PUS10: variants seen among roughly 807,000 people sequenced by gnomAD.
The protein encoded by PUS10 is tRNA pseudouridine synthase Pus10.
A neutral mutation model predicts 75.0 loss-of-function variants in PUS10; 59 were observed. The observed-to-expected ratio is 0.79, with a 90% CI of 0.64 to 0.98. The LOEUF (loss-of-function observed/expected upper bound fraction) is 0.98. PUS10 is among the 50% of genes least tolerant of loss of function. The pLI is 0.00. For synonymous variants in PUS10, 219 were observed against 211.6 expected, an observed-to-expected ratio of 1.03 and a Z score of -0.30; for missense variants, 650 against 614.4, an observed-to-expected ratio of 1.06 and a Z score of -0.61.
chr2:60,949,675 A>G (rs1032078327), intron 15 of PUS10, among the ~76,000 whole-genome samples: 1 of 152,208 alleles, frequency 6.6e-6, no homozygotes, highest in African/African-American at 2.4e-5. Flanking sequence ...TTTTATGCCA[A>G]CTGGAAAACT....
chr2:60,952,312 C>T (rs1243556995), intron 15 of PUS10, among the ~76,000 whole-genome samples: 8 of 134,474 alleles, frequency 5.9e-5, no homozygotes, highest in South Asian at 2.3e-4. Context: ...CCAGCCTGGG[C>T]GACAAGAGCA....
At position 60,960,381 on chromosome 2, in the gene PUS10, G is replaced by GT; in HGVS notation, c.1000+10dup. The GT allele has an allele frequency of 6.8e-7, 1 of 1,481,064 alleles. No individual in the cohort carries two copies. The highest frequency in any genetic ancestry group is 1.4e-5 in the South Asian group (1 of 72,666). 91.7% of individuals were successfully genotyped at this position (1,481,064 alleles called of 1,614,324 possible). ...AAAAAGAAAGAAAAGTATGAAGATC[G>GT]TAACACTTACTCTCTGCTTTAAATA... On this transcript the variant is annotated intron_variant, in intron 11 of 17. Coordinates refer to ENST00000316752, the MANE Select transcript of PUS10 (RefSeq NM_144709.4).
At chr2:60,951,158 G>A (rs550298641) in intron 15 of PUS10, among the ~76,000 whole-genome samples, 9 of 151,810 alleles carry the variant, frequency 5.9e-5, no homozygotes, top group Non-Finnish European at 7.4e-5. Context: ...CCTATTTATC[G>A]TATCTTTTGC....
Position 60,955,017 on chromosome 2 carries a change from C to A in PUS10, c.1057+1G>T. ...ATCAGGTGATGCTGTTGCAGTCTTA[C>A]CATTTCCTAATGTTCTCACATCTAC... On this transcript the variant is annotated splice_donor_variant, in intron 12 of 17. Coordinates refer to ENST00000316752, the MANE Select transcript of PUS10 (RefSeq NM_144709.4). LOFTEE classifies it high-confidence loss of function. The A allele has an allele frequency of 6.4e-7, 1 of 1,570,964 alleles. No individual in the cohort carries two copies. Among genetic ancestry groups the A allele is most frequent in the Non-Finnish European group, 8.7e-7 (1 of 1,152,570 alleles).
intron 15 of PUS10, 146 bp downstream of exon 15, chr2:60,952,851 T>C (rs1675428642): frequency 5.3e-6 from 3 of 565,076 alleles, no homozygotes; most frequent in Non-Finnish European, 6.3e-6. Flanking sequence ...CTTCAGCTAG[T>C]CAGTGGCAGA....
At chr2:60,961,436 A>T in intron 10 of PUS10, 27 bp downstream of exon 10, 2 of 1,529,824 alleles carry the variant, frequency 1.3e-6, no homozygotes, top group Non-Finnish European at 1.8e-6. Context: ...TTCACAGTGT[A>T]TGTATATTCT....
chr2:61,011,945 G>A lies in PUS10; in HGVS notation c.-15-40C>T, dbSNP rs536666053. 151 of 1,518,068 alleles carry A rather than the reference G, an allele frequency of 9.9e-5. 1 individual carries two copies. In the Admixed American group the frequency reaches 1.4e-3, roughly 14 times the overall value. The allele number at this position is 1,518,068 out of a possible 1,614,324, so 94.0% of individuals were successfully genotyped here. ...AGTAAAACTAATGAGCAGCTTCTGC[G>A]TTTTACTGTCACAGACAAGTCATCA... On this transcript the variant is annotated intron_variant, in intron 1 of 17. Transcript: ENST00000316752.
chr2:60,997,813 C>T (rs957042773), intron 4 of PUS10, among the ~76,000 whole-genome samples: 16 of 151,998 alleles, frequency 1.1e-4, no homozygotes, highest in African/African-American at 3.9e-4. Context: ...ACTAATCTAA[C>T]CAAAAATAGG....
chr2:60,972,024 C>G (rs1297594624), intron 4 of PUS10, among the ~76,000 whole-genome samples: 2 of 150,130 alleles, frequency 1.3e-5, no homozygotes, highest in Non-Finnish European at 3.0e-5. Flanking sequence ...ATGCCTGCCA[C>G]CACACTCGGC....
chr2:61,008,709 A>G (rs1679398171), intron 3 of PUS10, 52 bp downstream of exon 3: 2 of 1,360,648 alleles, frequency 1.5e-6, no homozygotes, highest in Admixed American at 5.1e-5. Flanking sequence ...CTTGGTTTTA[A>G]GACTGAAAAT....
At chr2:60,987,845 G>A (rs72889056) in intron 4 of PUS10, among the ~76,000 whole-genome samples, 26,731 of 151,770 alleles carry the variant, frequency 0.18, 2,573 homozygotes, top group African/African-American at 0.21. Flanking sequence ...CCCAGGAGGT[G>A]GAGGCATACT....
intron 4 of PUS10, among the ~76,000 whole-genome samples, chr2:60,977,415 G>C (rs1303236676): frequency 2.0e-5 from 3 of 152,158 alleles, no homozygotes; most frequent in African/African-American, 4.8e-5. Flanking sequence ...TGCCAAGCTA[G>C]GTCATGAACC....
In PUS10 at chr2:60,948,024, G is replaced by A. The variant is rs199566277; in HGVS notation, c.1451+19C>T. ...AGAGTTCTGGTTCGATGGCGGCAGT[G>A]CAGCAGGTGGAAGGATACGTGCCAG... is the stretch of plus-strand genomic sequence containing the variant. On this transcript the variant is annotated intron_variant, in intron 16 of 17. Transcript: ENST00000316752. 2 of 1,613,902 alleles carry A rather than the reference G, an allele frequency of 1.2e-6. No homozygotes were observed. The highest frequency in any genetic ancestry group is 2.2e-5 in the East Asian group (1 of 44,870).
intron 11 of PUS10, among the ~76,000 whole-genome samples, chr2:60,958,506 T>C (rs556925741): frequency 2.6e-5 from 4 of 152,206 alleles, no homozygotes; most frequent in Non-Finnish European, 4.4e-5. Flanking sequence ...ATGTCTCATC[T>C]AGACCATGTG....
chr2:60,947,082 C>G (rs933340064), intron 16 of PUS10, among the ~76,000 whole-genome samples: 1 of 152,154 alleles, frequency 6.6e-6, no homozygotes, highest in African/African-American at 2.4e-5. Flanking sequence ...GGTTAGATTA[C>G]GAACAAATTA....
In PUS10 at chr2:60,969,352, A is replaced by G. The variant is rs151180876; in HGVS notation, c.504-1739T>C. 3.0e-3 allele frequency among the ~76,000 whole-genome samples: 451 copies of G among 152,348 alleles called. 1 individual carries two copies. The highest frequency in any genetic ancestry group is 0.01 in the African/African-American group (421 of 41,578). On this transcript the variant is annotated intron_variant, in intron 5 of 17. Transcript: ENST00000316752. ...CCAGATTTCCAATCCTGAAAGTTAA[A>G]TGCAGCTAATAAGTTTCCTAATACA...
At chr2:60,951,577 G>A (rs975259531) in intron 15 of PUS10, among the ~76,000 whole-genome samples, 9 of 152,102 alleles carry the variant, frequency 5.9e-5, no homozygotes, top group Non-Finnish European at 8.8e-5. Context: ...ACGAGGGTTC[G>A]TGCTTTTATA....
chr2:61,007,164 T>C (rs1254094032), intron 3 of PUS10, among the ~76,000 whole-genome samples: 2 of 152,064 alleles, frequency 1.3e-5, no homozygotes, highest in Non-Finnish European at 2.9e-5. Context: ...ACACATTTTA[T>C]TAATTTTCAG....
In PUS10 at chr2:61,004,395, C is replaced by A. The variant is rs377049405; in HGVS notation, c.468+2162G>T. Among the ~76,000 whole-genome samples, 71 of 152,082 alleles carry A rather than the reference C, an allele frequency of 4.7e-4. 1 individual carries two copies. In the South Asian group the frequency reaches 0.013, roughly 28 times the overall value. ...ATTCCAGCACTTTGGGAGGCCAAGG[C>A]GGGCAGATCATGAGGTCAGAAGACA... On this transcript the variant is annotated intron_variant, in intron 4 of 17. Coordinates refer to ENST00000316752, the MANE Select transcript of PUS10 (RefSeq NM_144709.4).
Sources: allele counts gnomAD v4.1 joint callset (sites outside exome capture counted in the v4.1 genomes callset), GRCh38; gene constraint gnomAD v4.1.1; transcripts MANE v1.5; gene names NCBI Gene and HGNC (gene_info 2026-07-23, HGNC 2026-07-21).